CADM2: variants seen among roughly 807,000 people sequenced by gnomAD.
CADM2 encodes the protein immunoglobulin superfamily member 4D.
A neutral mutation model predicts 49.8 loss-of-function variants in CADM2; 12 were observed. The observed-to-expected ratio is 0.24, with a 90% CI of 0.15 to 0.39. The LOEUF is 0.39. CADM2 is among the 10% of genes least tolerant of loss of function. CADM2 has a pLI of 1.00. For missense variants in CADM2, 378 were observed against 492.3 expected, an observed-to-expected ratio of 0.77 and a Z score of 2.20; for synonymous variants, 214 against 175.4, an observed-to-expected ratio of 1.22 and a Z score of -1.74.
At chr3:85,857,542 G>A (rs115011281) in intron 3 of CADM2, among the ~76,000 whole-genome samples, 22 of 152,084 alleles carry the variant, frequency 1.4e-4, no homozygotes, top group Non-Finnish European at 1.5e-4. Flanking sequence ...CAGTGGTGCC[G>A]TCATAGCTCA....
intron 1 of CADM2, among the ~76,000 whole-genome samples, chr3:85,275,478 G>A (rs930529992): frequency 6.6e-6 from 1 of 151,298 alleles, no homozygotes; most frequent in Non-Finnish European, 1.5e-5. Flanking sequence ...TAGACATAGA[G>A]GTAAGTAGAT....
chr3:85,428,327 TAA>T (rs1491290366), intron 1 of CADM2, among the ~76,000 whole-genome samples: 3 of 146,638 alleles, frequency 2.0e-5, no homozygotes, highest in Non-Finnish European at 4.5e-5. Flanking sequence ...ATATGATATA[TAA>T]TATATATATT....
chr3:85,982,207 A>G (rs549110675), intron 8 of CADM2, among the ~76,000 whole-genome samples: 36 of 151,324 alleles, frequency 2.4e-4, no homozygotes, highest in African/African-American at 4.4e-4. Context: ...TCAGTGGTTT[A>G]CTCTTTCTGG....
At chr3:85,999,765 A>G (rs1729935198) in intron 8 of CADM2, among the ~76,000 whole-genome samples, 1 of 152,168 alleles carries the variant, frequency 6.6e-6, no homozygotes, top group African/African-American at 2.4e-5. Flanking sequence ...TAATGAAGTG[A>G]TTAGATAAAA....
chr3:85,767,076 C>A (rs1315408608), intron 2 of CADM2, among the ~76,000 whole-genome samples: 1 of 152,176 alleles, frequency 6.6e-6, no homozygotes, highest in Admixed American at 6.5e-5. Flanking sequence ...ATTCAATACA[C>A]TTTACCCAAA....
chr3:85,135,086 ATG>A (rs1452418414), intron 1 of CADM2, among the ~76,000 whole-genome samples: 34 of 152,112 alleles, frequency 2.2e-4, no homozygotes, highest in African/African-American at 8.2e-4. Context: ...GTAAATATAA[ATG>A]TGTATATAAA....
At chr3:85,653,201 G>C (rs1453234380) in intron 1 of CADM2, among the ~76,000 whole-genome samples, 3 of 151,068 alleles carry the variant, frequency 2.0e-5, no homozygotes, top group Non-Finnish European at 4.4e-5. Context: ...AGCAAAGAAC[G>C]AGAATATTAG....
intron 8 of CADM2, among the ~76,000 whole-genome samples, chr3:85,989,954 G>A (rs1728558152): frequency 7.3e-6 from 1 of 137,496 alleles, no homozygotes; most frequent in Non-Finnish European, 1.5e-5. Flanking sequence ...GGAGGTTACA[G>A]TGAGCTGAGA....
At chr3:85,467,044 T>C (rs1381339330) in intron 1 of CADM2, among the ~76,000 whole-genome samples, 3 of 152,178 alleles carry the variant, frequency 2.0e-5, no homozygotes, top group Non-Finnish European at 4.4e-5. Context: ...ATATTGGGGT[T>C]AAAATTCCTC....
intron 1 of CADM2, among the ~76,000 whole-genome samples, chr3:85,483,237 A>G (rs904522227): frequency 5.3e-5 from 8 of 151,602 alleles, no homozygotes; most frequent in African/African-American, 1.7e-4. Context: ...ATTTATTTCC[A>G]AAATAGAAAC....
intron 1 of CADM2, among the ~76,000 whole-genome samples, chr3:85,337,837 C>A (rs1229292930): frequency 6.6e-6 from 1 of 151,488 alleles, no homozygotes; most frequent in African/African-American, 2.4e-5. Context: ...ATCAAGATTT[C>A]TTTGTCTTAT....
At chr3:85,049,580 G>A (rs930692552) in intron 1 of CADM2, among the ~76,000 whole-genome samples, 1 of 151,888 alleles carries the variant, frequency 6.6e-6, no homozygotes, top group Non-Finnish European at 1.5e-5. Context: ...TCAAACTCCT[G>A]ACCTCGTGAT....
intron 1 of CADM2, among the ~76,000 whole-genome samples, chr3:85,044,291 G>C (rs1437618860): frequency 7.1e-6 from 1 of 141,134 alleles, no homozygotes; most frequent in East Asian, 2.0e-4. Flanking sequence ...CTATTCAGTA[G>C]TAAAAGAAAT....
Position 86,065,694 on chromosome 3 carries a change from ATCTT to A in CADM2, c.1064_1067del (p.Phe355CysfsTer14). Reference sequence around the variant, plus strand: ...AGTTGTATTTGTCACGCTGTGTTCTATCTTTCTGCTTGGTCGATATCTGGCAAGG... The same window carrying A: ...AGTTGTATTTGTCACGCTGTGTTCTATCTGCTTGGTCGATATCTGGCAAGG... On this transcript the variant is annotated frameshift_variant, in exon 9 of 10. Transcript: ENST00000383699. LOFTEE classifies it high-confidence loss of function. 6.2e-7 allele frequency: 1 copy of A among 1,614,008 alleles called. No homozygotes were observed. Among genetic ancestry groups the A allele is most frequent in the Non-Finnish European group, 8.5e-7 (1 of 1,179,954 alleles).
Position 85,021,953 on chromosome 3 carries a change from T to G in CADM2, c.61+62285T>G, listed in dbSNP as rs369836497. ...ACAGAACTATTGTAAACACATCTTT[T>G]TGAATATGGCTCCTCATAGAGGAAC... is the stretch of plus-strand genomic sequence containing the variant. On this transcript the variant is annotated intron_variant, in intron 1 of 9. Transcript: ENST00000383699. Among the ~76,000 whole-genome samples, 11 of 152,302 alleles carry G rather than the reference T, an allele frequency of 7.2e-5. 1 individual carries two copies. In the East Asian group the frequency reaches 1.9e-3, roughly 27 times the overall value.
At chr3:85,268,692 T>C (rs1490877994) in intron 1 of CADM2, among the ~76,000 whole-genome samples, 1 of 151,376 alleles carries the variant, frequency 6.6e-6, no homozygotes, top group Non-Finnish European at 1.5e-5. Flanking sequence ...ATATTACTAA[T>C]GAAGAACCAG....
chr3:85,717,239 TTTATTC>T (rs1416651425), intron 1 of CADM2, among the ~76,000 whole-genome samples: 2 of 142,368 alleles, frequency 1.4e-5, no homozygotes, highest in East Asian at 4.1e-4. Flanking sequence ...TTCCTAGGTA[TTTATTC>T]TCTTTGTGGC....
intron 1 of CADM2, among the ~76,000 whole-genome samples, chr3:85,297,338 C>G (rs1272514496): frequency 6.6e-6 from 1 of 152,046 alleles, no homozygotes; most frequent in East Asian, 1.9e-4. Flanking sequence ...AGAGTGAACT[C>G]TGGCTTCATC....
At chr3:85,199,570 T>C (rs1257562820) in intron 1 of CADM2, among the ~76,000 whole-genome samples, 1 of 151,888 alleles carries the variant, frequency 6.6e-6, no homozygotes, top group Non-Finnish European at 1.5e-5. Flanking sequence ...GCATTGTACA[T>C]GTTGATGGCA....
Sources: allele counts gnomAD v4.1 joint callset (sites outside exome capture counted in the v4.1 genomes callset), GRCh38; gene constraint gnomAD v4.1.1; transcripts MANE v1.5; gene names NCBI Gene and HGNC (gene_info 2026-07-23, HGNC 2026-07-21).